HELZ: variants seen among roughly 807,000 people sequenced by gnomAD.
HELZ encodes the protein ATP-dependent RNA helicase with zinc finger domain.
In HELZ, 23 loss-of-function variants were observed where a neutral mutation model predicts 218.2. That is an observed-to-expected ratio of 0.11 (90% CI 0.08 to 0.15). The LOEUF is 0.15. Ranked by LOEUF, HELZ falls within the 10% of genes least tolerant of loss-of-function variation. The pLI is 1.00. For missense variants in HELZ, 1,813 were observed against 2,353.7 expected (o/e 0.77, Z 4.75); for synonymous variants, 814 against 829.4 (o/e 0.98, Z 0.32).
chr17:67,128,737 T>C lies in HELZ; in HGVS notation c.3301A>G (p.Asn1101Asp). The C allele has an allele frequency of 6.2e-7, 1 of 1,614,162 alleles. No individual in the cohort carries two copies. Among genetic ancestry groups the C allele is most frequent in the Non-Finnish European group, 8.5e-7 (1 of 1,180,010 alleles). ...GGGATAAATTCAGGTGCCAGCGGAT[T>C]CAACACATATGTCTTCTTTAGTTCT... ...ALELKKTYVL[N>D]PLAPEFIPRA... The change falls in exon 24 of 33, where the codon AAT becomes GAT. Residue 1101 changes from asparagine (N) to aspartate (D), a missense_variant. Physicochemically the swap from Asn to Asp is conservative, Grantham distance 23. Around this residue, in one of 4 missense-constraint regions of HELZ, gnomAD observed 156 missense variants for 274.4 expected, o/e 0.57. Transcript: ENST00000358691.
chr17:67,133,976 G>A (rs998730446), intron 23 of HELZ, among the ~76,000 whole-genome samples: 32 of 152,226 alleles, frequency 2.1e-4, no homozygotes, highest in African/African-American at 7.5e-4. Flanking sequence ...CATTCTAAAC[G>A]AAATATACTT....
chr17:67,122,039 AT>A (rs1200590198), intron 26 of HELZ, among the ~76,000 whole-genome samples: 1 of 152,242 alleles, frequency 6.6e-6, no homozygotes, highest in East Asian at 1.9e-4. Flanking sequence ...CAAATTAAAT[AT>A]TTAGATTTAC....
At chr17:67,152,683 G>A (rs1365604404) in intron 17 of HELZ, among the ~76,000 whole-genome samples, 1 of 149,392 alleles carries the variant, frequency 6.7e-6, no homozygotes, top group African/African-American at 2.5e-5. Flanking sequence ...GAGTTCAGGA[G>A]AATGCCTGGG....
intron 32 of HELZ, among the ~76,000 whole-genome samples, 198 bp downstream of exon 32, chr17:67,086,631 A>AATATAAATAAATAT (rs914625902): frequency 1.1e-5 from 1 of 93,318 alleles, no homozygotes. Context: ...TATAAATATA[A>AATATAAATAAATAT]ATATATATAT....
chr17:67,167,888 T>C (rs964784697), intron 13 of HELZ, 92 bp from the exon 14 acceptor site: 22 of 841,624 alleles, frequency 2.6e-5, no homozygotes, highest in Non-Finnish European at 4.1e-5. Flanking sequence ...AATATAAACA[T>C]ACCAAAAATT....
At chr17:67,167,100 T>G (rs569008395) in intron 14 of HELZ, among the ~76,000 whole-genome samples, 1 of 152,308 alleles carries the variant, frequency 6.6e-6, no homozygotes, top group South Asian at 2.1e-4. Flanking sequence ...TATGGCAGAC[T>G]GAAGACATAA....
At chr17:67,229,680 T>C (rs1363792354) in intron 3 of HELZ, among the ~76,000 whole-genome samples, 1 of 152,226 alleles carries the variant, frequency 6.6e-6, no homozygotes, top group African/African-American at 2.4e-5. Flanking sequence ...CTCATTAGCA[T>C]GTCAAGTCAC....
intron 32 of HELZ, among the ~76,000 whole-genome samples, 198 bp downstream of exon 32, chr17:67,086,631 A>AATATAT (rs71139116): frequency 0.055 from 5,116 of 92,658 alleles, 234 homozygotes; most frequent in Non-Finnish European, 0.069. Flanking sequence ...TATAAATATA[A>AATATAT]ATATATATAT....
At chr17:67,126,785 C>T (rs1297441580) in intron 24 of HELZ, among the ~76,000 whole-genome samples, 2 of 152,032 alleles carry the variant, frequency 1.3e-5, no homozygotes, top group Non-Finnish European at 2.9e-5. Context: ...TGCCTAAACC[C>T]GGGAGGCGGA....
At chr17:67,153,661 A>G (rs1433491035) in intron 17 of HELZ, among the ~76,000 whole-genome samples, 1 of 152,194 alleles carries the variant, frequency 6.6e-6, no homozygotes, top group East Asian at 1.9e-4. Context: ...TGGCACCAAC[A>G]AACAGAAGCC....
At chr17:67,084,529 G>A (rs1213071415) in intron 32 of HELZ, among the ~76,000 whole-genome samples, 1 of 152,096 alleles carries the variant, frequency 6.6e-6, no homozygotes, top group Non-Finnish European at 1.5e-5. Flanking sequence ...CGGGCGTGGT[G>A]GCGGGCGCCT....
intron 12 of HELZ, among the ~76,000 whole-genome samples, chr17:67,186,335 C>G (rs1246600869): frequency 6.6e-6 from 1 of 152,088 alleles, no homozygotes; most frequent in Non-Finnish European, 1.5e-5. Flanking sequence ...ACAGGTATTA[C>G]TAGCCCCATT....
chr17:67,134,280 G>A lies in HELZ; in HGVS notation c.3182+1690C>T, dbSNP rs192199243. Among the ~76,000 whole-genome samples the A allele has an allele frequency of 1.1e-3, 169 of 152,154 alleles. 1 individual carries two copies. Among genetic ancestry groups the A allele is most frequent in the Middle Eastern group, 3.4e-3 (1 of 294 alleles). On this transcript the variant is annotated intron_variant, in intron 23 of 32. Coordinates refer to ENST00000358691, the MANE Select transcript of HELZ (RefSeq NM_014877.4). ...CATGCCTGTAATCCCAGCTACTCGG[G>A]AGGCTGAGGTAGGAGAATCACTTGA... is the stretch of plus-strand genomic sequence containing the variant.
intron 32 of HELZ, among the ~76,000 whole-genome samples, chr17:67,085,992 C>T (rs2036359230): frequency 6.6e-6 from 1 of 152,058 alleles, no homozygotes; most frequent in Non-Finnish European, 1.5e-5. Context: ...AAGGAATAAA[C>T]AAGGATTCTT....
intron 17 of HELZ, among the ~76,000 whole-genome samples, chr17:67,152,368 T>A (rs2038711233): frequency 6.6e-6 from 1 of 152,134 alleles, no homozygotes; most frequent in East Asian, 1.9e-4. Context: ...GTTACAAGGT[T>A]ACTGTTAAGA....
intron 21 of HELZ, 45 bp downstream of exon 21, chr17:67,145,698 T>C (rs770530588): frequency 2.0e-6 from 3 of 1,495,438 alleles, no homozygotes; most frequent in South Asian, 2.3e-5. Context: ...AACTAGACGA[T>C]GTGACTGAGA....
At position 67,190,307 on chromosome 17, in the gene HELZ, T is replaced by C; in HGVS notation, c.606A>G (p.Ala202=). ...ATTCTGCTAGTTCTTCCTGGGAATG[T>C]GCTGAAGTACACTGGGCACCATACC... The part of the protein sequence containing the change: ...ICRYGAQCTS[A]HSQEELAEWQ... Residue 202 remains alanine, a synonymous_variant, in exon 10 of 33, where the codon GCA becomes GCG. Transcript: ENST00000358691. 6.2e-6 allele frequency: 10 copies of C among 1,614,120 alleles called. No homozygotes were observed. Among genetic ancestry groups the C allele is most frequent in the Non-Finnish European group, 8.5e-6 (10 of 1,179,956 alleles).
intron 3 of HELZ, among the ~76,000 whole-genome samples, chr17:67,237,635 G>A (rs2041218642): frequency 6.6e-6 from 1 of 152,148 alleles, no homozygotes; most frequent in Non-Finnish European, 1.5e-5. Flanking sequence ...AAAATAGCTG[G>A]AGATATTCTT....
At chr17:67,150,998 G>A (rs747264013) in intron 18 of HELZ, 48 bp downstream of exon 18, 3 of 1,540,662 alleles carry the variant, frequency 1.9e-6, no homozygotes, top group Admixed American at 3.4e-5. Context: ...AGTCTAAACT[G>A]AATTCATAAG....
Sources: gnomAD v4.1 joint callset for allele counts (sites outside exome capture counted in the v4.1 genomes callset) on GRCh38, gnomAD v4.1.1 for gene constraint, gnomAD v4.1.1 regional missense constraint, MANE v1.5 for transcripts, NCBI Gene and HGNC (gene_info 2026-07-23, HGNC 2026-07-21) for gene names.